Variants in ACSM4 observed in about 807,000 individuals in gnomAD.
ACSM4 encodes acyl-CoA synthetase medium chain family member 4.
ACSM4 carries 66 observed loss-of-function variants against 73.0 expected under a neutral mutation model. The observed-to-expected ratio is 0.90, with a 90% CI of 0.74 to 1.11. ACSM4 has a LOEUF of 1.11. Among genes scored for constraint, ACSM4 ranks in the 50% least tolerant of loss-of-function variants. ACSM4 has a pLI of 0.00. For synonymous variants in ACSM4, 222 were observed against 254.0 expected (o/e 0.87, Z 1.20); for missense variants, 645 against 714.4 (o/e 0.90, Z 1.11).
intron 6 of ACSM4, 72 bp downstream of exon 6, chr12:7,320,876 C>A: frequency 7.6e-7 from 1 of 1,311,058 alleles, no homozygotes; most frequent in Non-Finnish European, 1.1e-6. Flanking sequence ...CTCTCTTTTT[C>A]AGCATAGGAT....
At chr12:7,319,314 TA>T (rs1458824216) in intron 5 of ACSM4, among the ~76,000 whole-genome samples, 4 of 152,020 alleles carry the variant, frequency 2.6e-5, no homozygotes, top group Non-Finnish European at 5.9e-5. Flanking sequence ...GGAGTGGCTA[TA>T]AATACAGATA....
chr12:7,314,486 C>T (rs1591843104), intron 3 of ACSM4, among the ~76,000 whole-genome samples: 1 of 152,056 alleles, frequency 6.6e-6, no homozygotes, highest in East Asian at 1.9e-4. Flanking sequence ...GATTGTGATG[C>T]TTTTTCTTTT....
chr12:7,324,344 C>T lies in ACSM4; in HGVS notation c.1380C>T (p.Asp460=). ...TCACTGGAGACAGAGGAGTGATGGA[C>T]AGTGATGGGTATTTCTGGTTTGTCG... ...FYVTGDRGVM[D]SDGYFWFVGR... Residue 460 remains aspartate (D), a synonymous_variant, in exon 10 of 13, where the codon GAC becomes GAT. Transcript: ENST00000399422. The T allele has an allele frequency of 6.2e-7, 1 of 1,614,008 alleles. No individual in the cohort carries two copies. The highest frequency in any genetic ancestry group is 8.5e-7 in the Non-Finnish European group (1 of 1,179,976).
intron 11 of ACSM4, among the ~76,000 whole-genome samples, chr12:7,324,813 A>T (rs1052646562): frequency 1.3e-5 from 2 of 151,606 alleles, no homozygotes; most frequent in African/African-American, 4.9e-5. Context: ...GCAGAAACAC[A>T]ATTCCAACTG....
intron 3 of ACSM4, among the ~76,000 whole-genome samples, chr12:7,315,681 G>A (rs1021447884): frequency 2.0e-5 from 3 of 152,044 alleles, no homozygotes; most frequent in African/African-American, 4.8e-5. Flanking sequence ...ATACTGTACC[G>A]GTTATTCATC....
At position 7,310,640 on chromosome 12, in the gene ACSM4, G is replaced by C; in HGVS notation, c.514G>C (p.Ala172Pro). ...AKCIVASEEV[A>P]PAVESIVLEC... is the part of the protein sequence containing the mutation. ...GTGCATTGTGGCCAGTGAGGAGGTG[G>C]CCCCAGCGGTGGAGTCCATTGTATT... Residue 172 changes from alanine (A) to proline (P), a missense_variant, in exon 3 of 13, where the codon GCC becomes CCC. Coordinates refer to ENST00000399422, the MANE Select transcript of ACSM4 (RefSeq NM_001080454.2). The C allele has an allele frequency of 6.2e-7, 1 of 1,613,284 alleles. No homozygotes were observed. Among genetic ancestry groups the C allele is most frequent in the Non-Finnish European group, 8.5e-7 (1 of 1,179,662 alleles).
chr12:7,317,911 G>T, intron 4 of ACSM4, 115 bp from the exon 5 acceptor site: 2 of 1,142,870 alleles, frequency 1.7e-6, no homozygotes, highest in Admixed American at 2.8e-5. Flanking sequence ...GGCTTCTTTT[G>T]ACCCTTCTCT....
At chr12:7,320,687 G>T in intron 5 of ACSM4, 38 bp from the exon 6 acceptor site, 1 of 1,549,520 alleles carries the variant, frequency 6.5e-7, no homozygotes, top group South Asian at 1.1e-5. Flanking sequence ...GCCTTTGAAT[G>T]ACCACTTCTG....
rs1441496148 is a variant in ACSM4 at position 7,322,445 on chromosome 12, C to G, written c.1029C>G (p.Cys343Trp). The G allele has an allele frequency of 6.2e-7, 1 of 1,613,824 alleles. No individual in the cohort carries two copies. The highest frequency in any genetic ancestry group is 2.2e-5 in the East Asian group (1 of 44,858). Residue 343 changes from cysteine (C) to tryptophan (W), a missense_variant, in exon 7 of 13, where the codon TGC becomes TGG. Cys to Trp is a radical substitution (Grantham distance 215). Coordinates refer to ENST00000399422, the MANE Select transcript of ACSM4 (RefSeq NM_001080454.2). ...KRYKFKSLRH[C>W]LTGGEPLNPE... ...ATAAATTCAAGAGTCTGCGGCACTG[C>G]TTGACCGGAGGGGAGCCACTCAACC...
In ACSM4 at chr12:7,306,626, C is replaced by T. The variant is rs780494573; in HGVS notation, c.295C>T (p.Arg99Ter). 59 of 1,605,398 alleles carry T rather than the reference C, an allele frequency of 3.7e-5. 1 individual carries two copies. The highest frequency in any genetic ancestry group is 2.0e-4 in the Admixed American group (12 of 58,708). Reference protein sequence around the residue: ...WSFRELGSLSRKAANVLTKPC... With the variant: ...WSFRELGSLS ...CTTCAGAGAACTGGGCTCCTTGTCC[C>T]GAAAAGCTGCCAACGTGCTCACCAA... Residue 99 changes from arginine to a stop codon, truncating the protein, a stop_gained, in exon 2 of 13, where the codon CGA becomes TGA. Coordinates refer to ENST00000399422, the MANE Select transcript of ACSM4 (RefSeq NM_001080454.2). LOFTEE classifies it high-confidence loss of function.
chr12:7,316,079 T>C (rs1946418856), intron 3 of ACSM4, among the ~76,000 whole-genome samples: 1 of 152,188 alleles, frequency 6.6e-6, no homozygotes, highest in Non-Finnish European at 1.5e-5. Flanking sequence ...AGAGAGGACA[T>C]AAGTCTGCCC....
Position 7,304,167 on chromosome 12 carries a change from T to C in ACSM4, c.-165T>C, listed in dbSNP as rs187751665. On this transcript the variant is annotated 5_prime_UTR_variant, in exon 1 of 13. It removes an upstream start codon present in the reference 5' UTR. Transcript: ENST00000399422. ...CTAAGGCAGCAGCTCTGAGGAAGGA[T>C]GAGGTGTTTTTCAGGTGTTCCCCAA... 120 of 674,708 alleles carry C rather than the reference T, an allele frequency of 1.8e-4. No homozygotes were observed. The East Asian group carries it at 2.9e-3, about 16-fold the overall frequency. The allele number at this position is 674,708 out of a possible 1,614,324, so 41.8% of individuals were successfully genotyped here. A position where few individuals can be genotyped will look rare whatever the true frequency, so the allele number is the denominator to read the frequency against.
chr12:7,313,817 C>CA (rs1464081657), intron 3 of ACSM4, among the ~76,000 whole-genome samples: 1 of 152,090 alleles, frequency 6.6e-6, no homozygotes, highest in East Asian at 1.9e-4. Context: ...ATTATGGAGT[C>CA]AGAGTGAAGC....
intron 11 of ACSM4, among the ~76,000 whole-genome samples, chr12:7,326,457 A>G (rs977886032): frequency 4.6e-5 from 7 of 152,126 alleles, no homozygotes; most frequent in Admixed American, 1.3e-4. Flanking sequence ...TTATCCTTCT[A>G]CCTTGGCCTC....
Position 7,323,283 on chromosome 12 carries a change from T to C in ACSM4, c.1175T>C (p.Met392Thr), listed in dbSNP as rs1946478135. ...GGCCAAGAAATTAAACCAGGTTCAA[T>C]GGGGAAAGGAATGCTGCCCTATGAT... is the stretch of plus-strand genomic sequence containing the variant. ...QKGQEIKPGS[M>T]GKGMLPYDVQ... The change falls in exon 8 of 13, where the codon ATG becomes ACG. Residue 392 changes from methionine to threonine, a missense_variant. Coordinates refer to ENST00000399422, the MANE Select transcript of ACSM4 (RefSeq NM_001080454.2). 1 of 1,611,442 alleles carries C rather than the reference T, an allele frequency of 6.2e-7. No individual in the cohort carries two copies. The highest frequency in any genetic ancestry group is 8.5e-7 in the Non-Finnish European group (1 of 1,178,954).
At position 7,324,377 on chromosome 12, in the gene ACSM4, T is replaced by C; in HGVS notation, c.1413T>C (p.Ala471=). ...SDGYFWFVGR[A]DDVIISSGYR... ...GGTATTTCTGGTTTGTCGGCAGAGCTGATGATGTCATTATATCCTCTGGGT... is the reference window on the plus strand; with the variant it reads ...GGTATTTCTGGTTTGTCGGCAGAGCCGATGATGTCATTATATCCTCTGGGT... Residue 471 remains alanine (A), a synonymous_variant, in exon 10 of 13, where the codon GCT becomes GCC. Coordinates refer to ENST00000399422, the MANE Select transcript of ACSM4 (RefSeq NM_001080454.2). 3 of 1,614,118 alleles carry C rather than the reference T, an allele frequency of 1.9e-6. No individual in the cohort carries two copies. The highest frequency in any genetic ancestry group is 2.5e-6 in the Non-Finnish European group (3 of 1,179,996).
chr12:7,317,847 G>A (rs1946432908), intron 4 of ACSM4, among the ~76,000 whole-genome samples, 179 bp from the exon 5 acceptor site: 2 of 152,144 alleles, frequency 1.3e-5, no homozygotes, highest in Non-Finnish European at 2.9e-5. Flanking sequence ...GACCGCCTGG[G>A]ATTCTGAAAA....
chr12:7,317,075 A>C (rs935458300), intron 3 of ACSM4, 62 bp from the exon 4 acceptor site: 1 of 1,549,750 alleles, frequency 6.5e-7, no homozygotes, highest in Non-Finnish European at 8.7e-7. Flanking sequence ...TGAGCAGAGG[A>C]AATATCAGAG....
At chr12:7,306,791 G>A in intron 2 of ACSM4, 48 bp downstream of exon 2, 1 of 1,432,776 alleles carries the variant, frequency 7.0e-7, no homozygotes, top group African/African-American at 1.5e-5. Context: ...CAGAGAGACT[G>A]AAACTCAATG....
Sources: allele counts gnomAD v4.1 joint callset (sites outside exome capture counted in the v4.1 genomes callset), GRCh38; gene constraint gnomAD v4.1.1; transcripts MANE v1.5; gene names NCBI Gene and HGNC (gene_info 2026-07-23, HGNC 2026-07-21).